FGFR2: variants seen among roughly 807,000 people sequenced by gnomAD.
FGFR2 encodes the protein fibroblast growth factor receptor 2, also known as BEK fibroblast growth factor receptor.
FGFR2 carries 19 observed loss-of-function variants against 95.9 expected under a neutral mutation model. The ratio of observed to expected loss-of-function variants is 0.20; its 90% CI spans 0.14 to 0.29. The LOEUF (loss-of-function observed/expected upper bound fraction) is 0.29. FGFR2 is among the 10% of genes least tolerant of loss of function. The pLI, the probability that FGFR2 is intolerant of heterozygous loss-of-function variation, is 1.00. For synonymous variants in FGFR2, 392 were observed against 393.3 expected, an observed-to-expected ratio of 1.00 and a Z score of 0.04; for missense variants, 707 against 1,056.9, an observed-to-expected ratio of 0.67 and a Z score of 4.59.
intron 16 of FGFR2, among the ~76,000 whole-genome samples, chr10:121,484,169 CCT>C (rs1435824534): frequency 1.3e-5 from 2 of 152,140 alleles, no homozygotes; most frequent in African/African-American, 2.4e-5. Flanking sequence ...TCTTCCCTCC[CCT>C]GACACCCTGC....
Position 121,517,681 on chromosome 10 carries a change from T to C in FGFR2, c.940-218A>G, listed in dbSNP as rs1849876844. Among the ~76,000 whole-genome samples the C allele has an allele frequency of 6.6e-6, 1 of 152,016 alleles. No individual in the cohort carries two copies. The highest frequency in any genetic ancestry group is 2.1e-4 in the South Asian group (1 of 4,800). ...CCGTCACCACACCGGCTTCACCTCC[T>C]ACACATGCACGCAATCAAACGCATG... On this transcript the variant is annotated intron_variant, in intron 7 of 17. Transcript: ENST00000358487. The surrounding 1 kb of genome is among the most constrained non-coding windows in gnomAD (Gnocchi z 4.7).
intron 5 of FGFR2, among the ~76,000 whole-genome samples, chr10:121,540,466 A>C (rs1295130705): frequency 6.6e-6 from 1 of 152,172 alleles, no homozygotes; most frequent in Non-Finnish European, 1.5e-5. Flanking sequence ...TATGGATGCT[A>C]AATCTTCCAG....
chr10:121,558,937 C>T (rs570305721), intron 4 of FGFR2, among the ~76,000 whole-genome samples: 124 of 152,066 alleles, frequency 8.2e-4, no homozygotes, highest in Middle Eastern at 3.4e-3. Flanking sequence ...CCAAGCTTTT[C>T]GTACTCTGTA....
At chr10:121,596,841 A>C (rs1863493354) in intron 1 of FGFR2, among the ~76,000 whole-genome samples, 1 of 152,024 alleles carries the variant, frequency 6.6e-6, no homozygotes, top group Non-Finnish European at 1.5e-5. Flanking sequence ...GCTCAGAGAA[A>C]TCTGCATTTT....
chr10:121,565,948 G>T (rs2135131107), intron 2 of FGFR2: 1 of 582,230 alleles, frequency 1.7e-6, no homozygotes, highest in Admixed American at 3.0e-5. Flanking sequence ...TGGGGCTTTA[G>T]AAACAAACCA....
intron 6 of FGFR2, chr10:121,526,804 C>A: frequency 7.5e-6 from 3 of 398,496 alleles, no homozygotes; most frequent in South Asian, 1.3e-4. Flanking sequence ...AGGCTTGGCA[C>A]ATGCTCGTTT....
chr10:121,593,913 C>A lies in FGFR2; in HGVS notation c.-96G>T, dbSNP rs775497340. 7.8e-6 allele frequency: 9 copies of A among 1,157,144 alleles called. No individual in the cohort carries two copies. The African/African-American group carries it at 1.2e-4, about 16-fold the overall frequency. 71.7% of individuals were successfully genotyped at this position (1,157,144 alleles called of 1,614,324 possible). On this transcript the variant is annotated 5_prime_UTR_variant, in exon 2 of 18. Transcript: ENST00000358487. ...CTACGGGCATGGACTACGCGCAATG[C>A]CTTCAGCCTGCGGTGGGCTCAGGAA...
chr10:121,498,238 G>A (rs534068130), intron 12 of FGFR2, among the ~76,000 whole-genome samples: 1 of 152,292 alleles, frequency 6.6e-6, no homozygotes, highest in South Asian at 2.1e-4. Context: ...TCCAGGTTAT[G>A]ACCTAGAAAC....
chr10:121,493,174 C>T (rs1846356052), intron 13 of FGFR2, among the ~76,000 whole-genome samples: 1 of 152,152 alleles, frequency 6.6e-6, no homozygotes, highest in Admixed American at 6.5e-5. Flanking sequence ...ACGTAAGATG[C>T]TTTATGTCAA....
chr10:121,563,671 G>C (rs1276036782), intron 4 of FGFR2, among the ~76,000 whole-genome samples: 1 of 152,210 alleles, frequency 6.6e-6, no homozygotes, highest in East Asian at 1.9e-4. Context: ...CCAGAAAATA[G>C]TATTATTATT....
At chr10:121,568,969 T>C (rs1478027920) in intron 2 of FGFR2, among the ~76,000 whole-genome samples, 7 of 152,314 alleles carry the variant, frequency 4.6e-5, no homozygotes, top group Non-Finnish European at 2.9e-5. Flanking sequence ...CCATTCCTGC[T>C]TAACCTTTTG....
intron 9 of FGFR2, among the ~76,000 whole-genome samples, chr10:121,510,498 A>C (rs891208150): frequency 2.0e-5 from 3 of 152,188 alleles, no homozygotes; most frequent in African/African-American, 4.8e-5. Flanking sequence ...AGACCACCTG[A>C]TTGACCAAAA....
chr10:121,584,261 G>A (rs1354479333), intron 2 of FGFR2, among the ~76,000 whole-genome samples: 1 of 151,766 alleles, frequency 6.6e-6, no homozygotes, highest in Non-Finnish European at 1.5e-5. Context: ...GTCACTACAG[G>A]CAAACATGGC....
At chr10:121,484,940 T>C in intron 16 of FGFR2, among the ~76,000 whole-genome samples, 1 of 152,294 alleles carries the variant, frequency 6.6e-6, no homozygotes, top group African/African-American at 2.4e-5. Flanking sequence ...CTGGCCACGA[T>C]GGGGCCAGGC....
At chr10:121,499,705 A>G (rs973594400) in intron 11 of FGFR2, among the ~76,000 whole-genome samples, 10 of 152,198 alleles carry the variant, frequency 6.6e-5, no homozygotes, top group African/African-American at 2.4e-4. Context: ...TCCTCCCCAC[A>G]CCTGGCCCTG....
At chr10:121,568,401 C>T (rs1420791411) in intron 2 of FGFR2, among the ~76,000 whole-genome samples, 1 of 152,134 alleles carries the variant, frequency 6.6e-6, no homozygotes, top group African/African-American at 2.4e-5. Context: ...ATTATGACAA[C>T]ATCACATGAT....
At chr10:121,550,063 C>T (rs915758418) in intron 5 of FGFR2, among the ~76,000 whole-genome samples, 3 of 152,196 alleles carry the variant, frequency 2.0e-5, no homozygotes, top group African/African-American at 7.2e-5. Context: ...TCAATTATTA[C>T]AGTTCTCTCC....
intron 12 of FGFR2, among the ~76,000 whole-genome samples, chr10:121,497,611 T>C (rs1847048002): frequency 6.6e-6 from 1 of 152,338 alleles, no homozygotes; most frequent in African/African-American, 2.4e-5. Context: ...CAGTAGGCAA[T>C]GAACATCTCT....
At chr10:121,524,101 T>TATAC (rs1850953806) in intron 6 of FGFR2, among the ~76,000 whole-genome samples, 2 of 89,132 alleles carry the variant, frequency 2.2e-5, no homozygotes, top group African/African-American at 7.2e-5. Context: ...CGGCTATGTA[T>TATAC]ACACACACAC....
Sources: allele counts gnomAD v4.1 joint callset (sites outside exome capture counted in the v4.1 genomes callset), GRCh38; gene constraint gnomAD v4.1.1; non-coding constraint Gnocchi (gnomAD v3.1); transcripts MANE v1.5; gene names NCBI Gene and HGNC (gene_info 2026-07-23, HGNC 2026-07-21).